DCDC1: variants seen among roughly 807,000 people sequenced by gnomAD.
DCDC1 encodes doublecortin domain-containing protein 1.
In DCDC1, 200 loss-of-function variants were observed where a neutral mutation model predicts 178.3. That is an observed-to-expected ratio of 1.12 (90% CI 1.00 to 1.26). DCDC1 has a LOEUF of 1.26. Among genes scored for constraint, DCDC1 ranks in the 50% most tolerant of loss-of-function variants. DCDC1 has a pLI of 0.00. For missense variants in DCDC1, 1,983 were observed against 1,749.2 expected (o/e 1.13, Z -2.38); for synonymous variants, 690 against 604.8 (o/e 1.14, Z -2.07).
chr11:30,981,581 T>C lies in DCDC1; in HGVS notation c.2592-29013A>G, dbSNP rs1446492114. ...TCTAAGTGTTAGTCAATTTAAATTT[T>C]AAGGGCTGTTCACCAAACTAACTAC... On this transcript the variant is annotated intron_variant, in intron 20 of 38. Transcript: ENST00000684477. 2.6e-5 allele frequency among the ~76,000 whole-genome samples: 4 copies of C among 152,182 alleles called. No homozygotes were observed. In the East Asian group the frequency reaches 5.8e-4, roughly 22 times the overall value.
At chr11:30,883,498 C>T (rs956859893) in intron 36 of DCDC1, 1 of 459,968 alleles carries the variant, frequency 2.2e-6, no homozygotes, top group Non-Finnish European at 4.5e-6. Context: ...AGATCCATGT[C>T]TTCAGATAAA....
intron 8 of DCDC1, among the ~76,000 whole-genome samples, chr11:31,242,624 C>A (rs1449187097): frequency 1.3e-5 from 2 of 151,680 alleles, no homozygotes; most frequent in South Asian, 2.1e-4. Flanking sequence ...AGATCACCGG[C>A]AAAGAAAATA....
chr11:31,212,617 A>G (rs1169536916), intron 9 of DCDC1, among the ~76,000 whole-genome samples: 2 of 152,060 alleles, frequency 1.3e-5, no homozygotes, highest in African/African-American at 2.4e-5. Flanking sequence ...TTCAAATGAG[A>G]TTTTTTTAAA....
chr11:31,220,241 C>A (rs1337968423), intron 9 of DCDC1, among the ~76,000 whole-genome samples: 1 of 152,190 alleles, frequency 6.6e-6, no homozygotes, highest in South Asian at 2.1e-4. Flanking sequence ...TTAGAAGAAT[C>A]TTTGAAACGT....
At chr11:30,999,363 G>A (rs1951444528) in intron 20 of DCDC1, among the ~76,000 whole-genome samples, 1 of 152,164 alleles carries the variant, frequency 6.6e-6, no homozygotes, top group African/African-American at 2.4e-5. Context: ...TTGAGTGAAA[G>A]AGCTGTAGGA....
chr11:30,925,356 T>C lies in DCDC1; in HGVS notation c.2950A>G (p.Lys984Glu), dbSNP rs1268871280. 1 of 1,613,822 alleles carries C rather than the reference T, an allele frequency of 6.2e-7. No homozygotes were observed. The highest frequency in any genetic ancestry group is 1.3e-5 in the African/African-American group (1 of 75,008). The change falls in exon 23 of 39, where the codon AAG becomes GAG. Residue 984 changes from lysine (K) to glutamate (E), a missense_variant. Lys to Glu is a moderately conservative substitution (Grantham distance 56). Transcript: ENST00000684477. Reference sequence around the variant, plus strand: ...TTTAAGGCAAATATTTCCTTCCCCTTTTCATTGTACAATCTCCGAGCTGCA... The same window carrying C: ...TTTAAGGCAAATATTTCCTTCCCCTCTTCATTGTACAATCTCCGAGCTGCA... ...PSAARRLYNE[K>E]GKEIFALKDL...
chr11:30,869,967 G>T (rs949064864), intron 38 of DCDC1, among the ~76,000 whole-genome samples: 57 of 152,266 alleles, frequency 3.7e-4, no homozygotes, highest in African/African-American at 1.4e-3. Flanking sequence ...ATAGAAGCAA[G>T]GCTCTGGGGG....
At chr11:30,876,112 G>A (rs1228137138) in intron 38 of DCDC1, among the ~76,000 whole-genome samples, 1 of 152,158 alleles carries the variant, frequency 6.6e-6, no homozygotes, top group Admixed American at 6.6e-5. Flanking sequence ...GGGTGTTTGT[G>A]AACTATCAGG....
intron 6 of DCDC1, among the ~76,000 whole-genome samples, chr11:31,301,876 G>C (rs183074546): frequency 1.1e-4 from 16 of 152,162 alleles, no homozygotes; most frequent in Non-Finnish European, 1.8e-4. Context: ...AAAATCTCTA[G>C]GCTTAAATTT....
chr11:31,067,516 C>T (rs377070716), intron 18 of DCDC1, among the ~76,000 whole-genome samples: 49 of 152,142 alleles, frequency 3.2e-4, no homozygotes, highest in Middle Eastern at 3.4e-3. Context: ...ACTTTTCATA[C>T]GGCCCAGCAA....
At chr11:31,048,650 G>A (rs192091970) in intron 20 of DCDC1, among the ~76,000 whole-genome samples, 1 of 151,974 alleles carries the variant, frequency 6.6e-6, no homozygotes, top group Admixed American at 6.6e-5. Context: ...TCAGGAGATC[G>A]AGACCATCCT....
chr11:30,914,169 A>C (rs188499443), intron 27 of DCDC1, among the ~76,000 whole-genome samples: 25 of 152,370 alleles, frequency 1.6e-4, no homozygotes, highest in African/African-American at 5.5e-4. Context: ...TCCTACCTAC[A>C]CATTGCAAAG....
chr11:31,261,283 T>A (rs1944763101), intron 8 of DCDC1, among the ~76,000 whole-genome samples: 2 of 152,148 alleles, frequency 1.3e-5, no homozygotes, highest in African/African-American at 4.8e-5. Context: ...AGTTAATCAT[T>A]ATTGTTTTAG....
chr11:31,358,961 T>C (rs1440124571), intron 1 of DCDC1, among the ~76,000 whole-genome samples: 2 of 152,112 alleles, frequency 1.3e-5, no homozygotes, highest in South Asian at 2.1e-4. Context: ...TGTGGAGAAA[T>C]AGGAACACTA....
At chr11:31,213,263 T>C (rs1015672326) in intron 9 of DCDC1, among the ~76,000 whole-genome samples, 2 of 151,600 alleles carry the variant, frequency 1.3e-5, no homozygotes, top group Non-Finnish European at 2.9e-5. Context: ...ATTCAGGGTC[T>C]ATTTTCGCCT....
intron 9 of DCDC1, among the ~76,000 whole-genome samples, chr11:31,148,210 TAAAAAAAA>T (rs55829692): frequency 5.2e-5 from 5 of 95,676 alleles, no homozygotes; most frequent in South Asian, 7.3e-4. Flanking sequence ...TTTATTATTA[TAAAAAAAA>T]AAAAAAAAAA....
chr11:31,108,132 A>G (rs1376709441), intron 12 of DCDC1, among the ~76,000 whole-genome samples: 1 of 152,206 alleles, frequency 6.6e-6, no homozygotes, highest in Admixed American at 6.5e-5. Flanking sequence ...CAGAAACTGC[A>G]TGTATAGGAT....
chr11:30,915,717 A>G lies in DCDC1; in HGVS notation c.3453-6T>C. 1 of 1,609,292 alleles carries G rather than the reference A, an allele frequency of 6.2e-7. No individual in the cohort carries two copies. ...TACTATGCTTTGGTGAACAGCTGAG[A>G]TAAAGAAATCTCTATTAGTGGCAGA... On this transcript the variant is annotated splice_region_variant and splice_polypyrimidine_tract_variant and intron_variant, in intron 26 of 38. Transcript: ENST00000684477.
intron 6 of DCDC1, among the ~76,000 whole-genome samples, chr11:31,301,656 G>A (rs149837267): frequency 6.6e-6 from 1 of 152,132 alleles, no homozygotes; most frequent in African/African-American, 2.4e-5. Flanking sequence ...ATGAGAAAAA[G>A]TGTTATGCTG....
Sources: gnomAD v4.1 joint callset for allele counts (sites outside exome capture counted in the v4.1 genomes callset) on GRCh38, gnomAD v4.1.1 for gene constraint, MANE v1.5 for transcripts, NCBI Gene and HGNC (gene_info 2026-07-23, HGNC 2026-07-21) for gene names.